The following MGMT variants were observed in gnomAD, a reference collection of about 807,000 sequenced individuals.
The protein encoded by MGMT is methylated-DNA--protein-cysteine methyltransferase.
MGMT carries 14 observed loss-of-function variants against 15.9 expected under a neutral mutation model. That is an observed-to-expected ratio of 0.88 (90% CI 0.58 to 1.37). The LOEUF is 1.37. Ranked by LOEUF, MGMT falls within the 40% of genes most tolerant of loss-of-function variation. MGMT has a pLI of 0.00. For synonymous variants in MGMT, 130 were observed against 118.2 expected (o/e 1.10, Z -0.65); for missense variants, 282 against 268.1 (o/e 1.05, Z -0.36).
intron 1 of MGMT, among the ~76,000 whole-genome samples, chr10:129,519,986 T>A (rs1251709678): frequency 6.6e-6 from 1 of 152,064 alleles, no homozygotes; most frequent in African/African-American, 2.4e-5. Context: ...CTGGGCAACA[T>A]AGCAAGACCC....
intron 1 of MGMT, among the ~76,000 whole-genome samples, chr10:129,517,716 C>T (rs533853778): frequency 6.6e-6 from 1 of 152,270 alleles, no homozygotes; most frequent in Admixed American, 6.5e-5. Context: ...AGTCTGGGGC[C>T]CTGTTTGCTC....
chr10:129,679,072 CAAA>C (rs746058016), intron 2 of MGMT, among the ~76,000 whole-genome samples: 1 of 117,690 alleles, frequency 8.5e-6, no homozygotes, highest in Non-Finnish European at 1.8e-5. Flanking sequence ...GACTCCATCT[CAAA>C]AAAAAAAAAA....
chr10:129,721,479 G>A (rs1848370644), intron 3 of MGMT, among the ~76,000 whole-genome samples: 2 of 152,208 alleles, frequency 1.3e-5, no homozygotes, highest in Admixed American at 6.5e-5. Context: ...AACCTCACTA[G>A]AACTAGAAAA....
intron 1 of MGMT, among the ~76,000 whole-genome samples, chr10:129,476,873 G>A (rs1463557667): frequency 6.6e-6 from 1 of 152,204 alleles, no homozygotes; most frequent in Non-Finnish European, 1.5e-5. Context: ...CTGAGTGGCA[G>A]GGTCCACCAC....
chr10:129,632,441 C>T (rs1460525652), intron 2 of MGMT, among the ~76,000 whole-genome samples: 1 of 151,686 alleles, frequency 6.6e-6, no homozygotes, highest in Non-Finnish European at 1.5e-5. Flanking sequence ...GAGACTGAAG[C>T]GGGTATTTTC....
chr10:129,587,196 T>G (rs1846628066), intron 2 of MGMT, among the ~76,000 whole-genome samples: 2 of 152,064 alleles, frequency 1.3e-5, no homozygotes, highest in African/African-American at 4.8e-5. Flanking sequence ...TGGCTCATTT[T>G]TTGGGTTGGT....
chr10:129,749,068 T>C (rs968803374), intron 3 of MGMT, among the ~76,000 whole-genome samples: 20 of 152,232 alleles, frequency 1.3e-4, no homozygotes, highest in African/African-American at 4.8e-4. Flanking sequence ...AAGTTTATAA[T>C]ACAGTCAGAT....
chr10:129,563,430 T>C (rs1846303472), intron 2 of MGMT, among the ~76,000 whole-genome samples: 1 of 152,198 alleles, frequency 6.6e-6, no homozygotes, highest in Non-Finnish European at 1.5e-5. Context: ...CTGGTCAGTA[T>C]TGTGACCTCA....
At chr10:129,610,038 G>A (rs1035150881) in intron 2 of MGMT, among the ~76,000 whole-genome samples, 1 of 152,172 alleles carries the variant, frequency 6.6e-6, no homozygotes, top group African/African-American at 2.4e-5. Context: ...TTTTTGCTTT[G>A]GAGGTATTTT....
At chr10:129,717,374 G>A (rs541957853) in intron 3 of MGMT, among the ~76,000 whole-genome samples, 180 of 152,318 alleles carry the variant, frequency 1.2e-3, no homozygotes, top group Middle Eastern at 3.4e-3. Context: ...GGTAAATAGC[G>A]TGTTCAGTAG....
chr10:129,592,654 A>T (rs1262505837), intron 2 of MGMT, among the ~76,000 whole-genome samples: 1 of 152,194 alleles, frequency 6.6e-6, no homozygotes, highest in Non-Finnish European at 1.5e-5. Context: ...CAGTGGCCCA[A>T]GGTAGATTTT....
intron 2 of MGMT, among the ~76,000 whole-genome samples, chr10:129,613,543 G>A (rs1438121179): frequency 2.0e-5 from 3 of 152,156 alleles, no homozygotes; most frequent in Non-Finnish European, 2.9e-5. Flanking sequence ...TGGAGTCTGG[G>A]GTGTAGTTGG....
intron 2 of MGMT, among the ~76,000 whole-genome samples, chr10:129,600,154 C>T (rs914851389): frequency 2.0e-5 from 3 of 152,160 alleles, no homozygotes; most frequent in African/African-American, 7.2e-5. Flanking sequence ...TACAGCCTTA[C>T]ATCCACTGCT....
chr10:129,472,381 C>T (rs542064039), intron 1 of MGMT, among the ~76,000 whole-genome samples: 2 of 152,132 alleles, frequency 1.3e-5, no homozygotes, highest in South Asian at 2.1e-4. Flanking sequence ...AGTAAAATTT[C>T]TATCCACTAC....
intron 1 of MGMT, among the ~76,000 whole-genome samples, chr10:129,521,689 G>T (rs1480364189): frequency 6.6e-6 from 1 of 152,170 alleles, no homozygotes; most frequent in South Asian, 2.1e-4. Flanking sequence ...TCTACCTGCT[G>T]GGGTCAGGGG....
intron 2 of MGMT, among the ~76,000 whole-genome samples, chr10:129,574,827 T>G (rs1002731186): frequency 2.0e-5 from 3 of 152,218 alleles, no homozygotes; most frequent in African/African-American, 7.2e-5. Context: ...AAAATATTGC[T>G]GCCTTCATAG....
chr10:129,717,132 G>A (rs779765338), intron 3 of MGMT, among the ~76,000 whole-genome samples: 3 of 152,148 alleles, frequency 2.0e-5, no homozygotes, highest in Non-Finnish European at 2.9e-5. Flanking sequence ...TGAGTTCTGT[G>A]CTTCAGCCCG....
chr10:129,667,635 T>C (rs1847674708), intron 2 of MGMT, among the ~76,000 whole-genome samples: 1 of 152,212 alleles, frequency 6.6e-6, no homozygotes, highest in Admixed American at 6.5e-5. Flanking sequence ...GCTGGGTATG[T>C]CCTAGTTCCA....
intron 4 of MGMT, 49 bp from the exon 5 acceptor site, chr10:129,766,739 C>T: frequency 6.5e-7 from 1 of 1,545,212 alleles, no homozygotes; most frequent in Non-Finnish European, 8.8e-7. Flanking sequence ...CCCCAAAGAC[C>T]TCGTTGTCCA....
Sources: gnomAD v4.1 joint callset for allele counts (sites outside exome capture counted in the v4.1 genomes callset) on GRCh38, gnomAD v4.1.1 for gene constraint, MANE v1.5 for transcripts, NCBI Gene and HGNC (gene_info 2026-07-23, HGNC 2026-07-21) for gene names.